The following CCSER1 variants were observed in gnomAD, a reference collection of about 807,000 sequenced individuals.
CCSER1 encodes coiled-coil serine rich protein 1, also known as serine-rich coiled-coil domain-containing protein 1.
Under a neutral mutation model 82.0 loss-of-function variants are expected in CCSER1, and 41 were observed. That is an observed-to-expected ratio of 0.50 (90% CI 0.39 to 0.65). CCSER1 has a LOEUF of 0.65. Ranked by LOEUF, CCSER1 falls within the 30% of genes least tolerant of loss-of-function variation. The pLI is 0.00. For missense variants in CCSER1, 1,119 were observed against 1,064.2 expected (o/e 1.05, Z -0.72); for synonymous variants, 414 against 383.9 (o/e 1.08, Z -0.92).
Position 90,759,325 on chromosome 4 carries a change from A to G in CCSER1, c.2010+35334A>G, listed in dbSNP as rs549934720. On this transcript the variant is annotated intron_variant, in intron 7 of 10. Transcript: ENST00000509176. ...CTGATTTTTCAATAAATCTCACCAA[A>G]TGGAGAGGATAACTAGAAAATTGAG... Among the ~76,000 whole-genome samples, 4 of 152,302 alleles carry G rather than the reference A, an allele frequency of 2.6e-5. No individual in the cohort carries two copies. The South Asian group carries it at 8.3e-4, about 32-fold the overall frequency.
In CCSER1 at chr4:90,309,549, C is replaced by G; in HGVS notation, c.1265C>G (p.Ser422Cys). 1 of 1,608,614 alleles carries G rather than the reference C, an allele frequency of 6.2e-7. No individual in the cohort carries two copies. Among genetic ancestry groups the G allele is most frequent in the South Asian group, 1.1e-5 (1 of 89,574 alleles). Residue 422 changes from serine (S) to cysteine (C), a missense_variant, in exon 2 of 11, where the codon TCT becomes TGT. Physicochemically the swap from Ser to Cys is moderately radical, Grantham distance 112. Coordinates refer to ENST00000509176, the MANE Select transcript of CCSER1 (RefSeq NM_001145065.2). ...TCAGATTCAAAGATAATACCTACTT[C>G]TGGTGATCATCATATTTTTAACAAA... ...PISDSKIIPT[S>C]GDHHIFNKTS...
rs562645388 is a variant in CCSER1 at position 91,603,349 on chromosome 4, G to A, written c.*4292G>A. On this transcript the variant is annotated 3_prime_UTR_variant, in exon 11 of 11. Transcript: ENST00000509176. Reference sequence around the variant, plus strand: ...ATTTATTTACAATACATTTGATCTCGTTAAGACCCCAGTTCTATTTCCAAG... The same window carrying A: ...ATTTATTTACAATACATTTGATCTCATTAAGACCCCAGTTCTATTTCCAAG... 8 of 152,008 alleles carry A rather than the reference G, an allele frequency of 5.3e-5. No homozygotes were observed. Among genetic ancestry groups the A allele is most frequent in the South Asian group, 2.1e-4 (1 of 4,826 alleles). The allele number at this position is 152,008 out of a possible 1,614,324, so 9.4% of individuals were successfully genotyped here. A position where few individuals can be genotyped will look rare whatever the true frequency, so the allele number is the denominator to read the frequency against.
intron 5 of CCSER1, among the ~76,000 whole-genome samples, chr4:90,597,464 A>G (rs1262857827): frequency 6.6e-6 from 1 of 152,062 alleles, no homozygotes; most frequent in African/African-American, 2.4e-5. Flanking sequence ...GTTTTGACAT[A>G]TAGACCCATG....
At chr4:90,248,396 C>T (rs1427889929) in intron 1 of CCSER1, among the ~76,000 whole-genome samples, 1 of 152,182 alleles carries the variant, frequency 6.6e-6, no homozygotes, top group Non-Finnish European at 1.5e-5. Context: ...GTATTCCTTG[C>T]TTCTGGCTTC....
intron 10 of CCSER1, among the ~76,000 whole-genome samples, chr4:91,403,473 A>C (rs1752478243): frequency 6.6e-6 from 1 of 152,164 alleles, no homozygotes; most frequent in African/African-American, 2.4e-5. Flanking sequence ...GTCTTGTGCC[A>C]GTTTTCAAAG....
At chr4:90,282,436 A>G (rs1345984448) in intron 1 of CCSER1, among the ~76,000 whole-genome samples, 1 of 150,546 alleles carries the variant, frequency 6.6e-6, no homozygotes, top group Non-Finnish European at 1.5e-5. Flanking sequence ...ATATTTATGT[A>G]TATATTTATA....
chr4:91,439,635 G>A (rs1445357726), intron 10 of CCSER1, among the ~76,000 whole-genome samples: 6 of 151,874 alleles, frequency 4.0e-5, no homozygotes, highest in African/African-American at 7.3e-5. Flanking sequence ...AATGTAAAGG[G>A]ACTAAATGCT....
rs201591269 is a variant in CCSER1 at position 90,691,622 on chromosome 4, G to GTGTA, written c.1933-32286_1933-32283dup. 4.3e-3 allele frequency among the ~76,000 whole-genome samples: 621 copies of GTGTA among 144,258 alleles called. 4 individuals carry two copies. The highest frequency in any genetic ancestry group is 0.014 in the African/African-American group (558 of 39,996). The allele number at this position is 144,258 out of a possible 152,430, so 94.6% of individuals were successfully genotyped here. ...ATGTGTATATATCACATGTATATAT[G>GTGTA]TGTATGTATATATATCACATGTATA... On this transcript the variant is annotated intron_variant, in intron 6 of 10. Transcript: ENST00000509176.
intron 10 of CCSER1, among the ~76,000 whole-genome samples, chr4:91,111,492 A>G (rs1305137620): frequency 6.6e-6 from 1 of 152,088 alleles, no homozygotes; most frequent in Non-Finnish European, 1.5e-5. Flanking sequence ...GCATTGGCAT[A>G]TAGAAAATAT....
intron 9 of CCSER1, among the ~76,000 whole-genome samples, chr4:90,940,200 A>G (rs1731426707): frequency 6.6e-6 from 1 of 152,166 alleles, no homozygotes; most frequent in Admixed American, 6.6e-5. Flanking sequence ...AACTGCAGAC[A>G]AGAAAAGGTC....
intron 10 of CCSER1, among the ~76,000 whole-genome samples, chr4:91,386,688 A>G (rs1252049910): frequency 1.3e-5 from 2 of 152,052 alleles, no homozygotes; most frequent in Admixed American, 6.6e-5. Flanking sequence ...ACGGCACTTT[A>G]TCCAGGTGAT....
intron 10 of CCSER1, among the ~76,000 whole-genome samples, chr4:91,309,386 G>T (rs559681503): frequency 1.3e-5 from 2 of 151,998 alleles, no homozygotes; most frequent in Non-Finnish European, 2.9e-5. Context: ...GTGCACGCAC[G>T]TGCTCACATG....
At chr4:91,225,813 C>G (rs1291998617) in intron 10 of CCSER1, among the ~76,000 whole-genome samples, 2 of 151,618 alleles carry the variant, frequency 1.3e-5, no homozygotes, top group African/African-American at 4.8e-5. Context: ...ATTGCATACT[C>G]AGAAAAAACC....
At chr4:91,358,130 G>T (rs769966501) in intron 10 of CCSER1, among the ~76,000 whole-genome samples, 14 of 151,464 alleles carry the variant, frequency 9.2e-5, no homozygotes, top group Non-Finnish European at 5.9e-5. Flanking sequence ...TTTTCTCTCT[G>T]CTGGTCTTTC....
At chr4:90,720,986 G>A (rs2149363858) in intron 6 of CCSER1, among the ~76,000 whole-genome samples, 1 of 151,900 alleles carries the variant, frequency 6.6e-6, no homozygotes. Context: ...ATAAAGAAAT[G>A]AAAGAGTTTT....
intron 8 of CCSER1, among the ~76,000 whole-genome samples, chr4:90,823,085 G>A (rs17188168): frequency 0.16 from 24,816 of 152,126 alleles, 2,537 homozygotes; most frequent in South Asian, 0.26. Flanking sequence ...TACATTGACT[G>A]TAGGAATAAT....
chr4:90,996,504 G>C (rs1033775788), intron 9 of CCSER1, among the ~76,000 whole-genome samples: 8 of 152,232 alleles, frequency 5.3e-5, no homozygotes, highest in African/African-American at 1.7e-4. Flanking sequence ...GATTGAAATA[G>C]TACAACTGGC....
intron 5 of CCSER1, among the ~76,000 whole-genome samples, chr4:90,535,180 C>G (rs955377616): frequency 6.6e-6 from 1 of 151,684 alleles, no homozygotes; most frequent in Non-Finnish European, 1.5e-5. Context: ...TATCTAGAAC[C>G]TATTAATATT....
At chr4:90,252,639 T>A (rs376328856) in intron 1 of CCSER1, among the ~76,000 whole-genome samples, 10 of 152,004 alleles carry the variant, frequency 6.6e-5, no homozygotes, top group Admixed American at 2.0e-4. Flanking sequence ...AATCCACTTA[T>A]ATTATTTTAG....
Sources: allele counts gnomAD v4.1 joint callset (sites outside exome capture counted in the v4.1 genomes callset), GRCh38; gene constraint gnomAD v4.1.1; transcripts MANE v1.5; gene names NCBI Gene and HGNC (gene_info 2026-07-23, HGNC 2026-07-21).